The following MDGA2 variants were observed in gnomAD, a reference collection of about 807,000 sequenced individuals.
MDGA2 encodes MAM domain containing glycosylphosphatidylinositol anchor 2.
Under a neutral mutation model 117.8 loss-of-function variants are expected in MDGA2, and 40 were observed. The observed-to-expected ratio is 0.34, with a 90% CI of 0.26 to 0.44. The LOEUF (loss-of-function observed/expected upper bound fraction) is 0.44, where lower values mean the gene tolerates loss of function less well. Among genes scored for constraint, MDGA2 ranks in the 20% least tolerant of loss-of-function variants. MDGA2 has a pLI of 1.00. For missense variants in MDGA2, 1,123 were observed against 1,250.6 expected, an observed-to-expected ratio of 0.90 and a Z score of 1.54; for synonymous variants, 452 against 439.0, an observed-to-expected ratio of 1.03 and a Z score of -0.37.
intron 10 of MDGA2, among the ~76,000 whole-genome samples, chr14:46,913,269 TTCAGTATAC>T (rs1883773986): frequency 6.6e-6 from 1 of 152,128 alleles, no homozygotes; most frequent in Non-Finnish European, 1.5e-5. Context: ...TATAATAACA[TTCAGTATAC>T]TCAGTATGGT....
chr14:47,570,104 G>A (rs1895991174), intron 1 of MDGA2, among the ~76,000 whole-genome samples: 2 of 152,060 alleles, frequency 1.3e-5, no homozygotes. Flanking sequence ...ATTAGAATGT[G>A]TCCAGATAAG....
At chr14:47,377,571 T>C (rs550564144) in intron 1 of MDGA2, among the ~76,000 whole-genome samples, 4 of 152,274 alleles carry the variant, frequency 2.6e-5, no homozygotes, top group African/African-American at 7.2e-5. Flanking sequence ...TTATATCCCA[T>C]GCATGGCTTT....
intron 3 of MDGA2, among the ~76,000 whole-genome samples, chr14:47,201,731 T>C (rs1885514945): frequency 6.6e-6 from 1 of 152,228 alleles, no homozygotes; most frequent in Non-Finnish European, 1.5e-5. Flanking sequence ...CCTTCTTGTC[T>C]ACCTTTGTAT....
chr14:47,615,841 A>C (rs1251301286), intron 1 of MDGA2, among the ~76,000 whole-genome samples: 1 of 152,110 alleles, frequency 6.6e-6, no homozygotes, highest in African/African-American at 2.4e-5. Context: ...GGGATGCCTG[A>C]TACTGACCCC....
chr14:47,513,189 TAATAA>T (rs1380345141), intron 1 of MDGA2, among the ~76,000 whole-genome samples: 7 of 152,234 alleles, frequency 4.6e-5, no homozygotes, highest in African/African-American at 1.7e-4. Flanking sequence ...AGCATCACCT[TAATAA>T]AATAGGAACT....
chr14:47,402,331 C>A lies in MDGA2; in HGVS notation c.281-100781G>T, dbSNP rs1184423245. 2.6e-3 allele frequency among the ~76,000 whole-genome samples: 18 copies of A among 6,950 alleles called. No homozygotes were observed. In the East Asian group the frequency reaches 0.12, roughly 46 times the overall value. 4.6% of individuals were successfully genotyped at this position (6,950 alleles called of 152,430 possible). On this transcript the variant is annotated intron_variant, in intron 1 of 16. Transcript: ENST00000399232. ...TATGCTAGGGTAGAAACCCCAGAAA[C>A]CCCCGCCCCCCCACCCCGCAAAAAA...
intron 6 of MDGA2, among the ~76,000 whole-genome samples, chr14:47,066,948 T>C (rs2138816327): frequency 6.6e-6 from 1 of 152,166 alleles, no homozygotes. Flanking sequence ...ACCCCATCTC[T>C]ACTAAAAATA....
At chr14:47,270,966 T>C (rs1191576758) in intron 2 of MDGA2, among the ~76,000 whole-genome samples, 2 of 152,178 alleles carry the variant, frequency 1.3e-5, no homozygotes, top group Admixed American at 1.3e-4. Flanking sequence ...CCTAGAAGCT[T>C]TCCAGGGAAA....
intron 1 of MDGA2, among the ~76,000 whole-genome samples, chr14:47,419,997 A>G (rs1277061892): frequency 1.3e-5 from 2 of 152,164 alleles, no homozygotes; most frequent in Non-Finnish European, 1.5e-5. Flanking sequence ...AGTACTAAAA[A>G]TGATCCAAGT....
chr14:47,593,866 C>A (rs1255094588), intron 1 of MDGA2, among the ~76,000 whole-genome samples: 1 of 152,010 alleles, frequency 6.6e-6, no homozygotes, highest in Non-Finnish European at 1.5e-5. Context: ...GCACATGTAT[C>A]CCGTAATTTA....
At chr14:47,542,741 T>G (rs961913326) in intron 1 of MDGA2, among the ~76,000 whole-genome samples, 2 of 152,148 alleles carry the variant, frequency 1.3e-5, no homozygotes, top group African/African-American at 4.8e-5. Context: ...TTTAAAAAAA[T>G]TTTGACAAAA....
At chr14:47,422,468 C>A (rs1892599527) in intron 1 of MDGA2, among the ~76,000 whole-genome samples, 1 of 152,100 alleles carries the variant, frequency 6.6e-6, no homozygotes. Context: ...AATGAGAGAA[C>A]TGCCAGGATA....
At chr14:47,070,133 C>A (rs1890226613) in intron 6 of MDGA2, among the ~76,000 whole-genome samples, 1 of 151,928 alleles carries the variant, frequency 6.6e-6, no homozygotes, top group African/African-American at 2.4e-5. Flanking sequence ...CTATAGTCAC[C>A]CTGTTGTGCT....
At chr14:47,442,794 G>A (rs758817259) in intron 1 of MDGA2, among the ~76,000 whole-genome samples, 2 of 151,982 alleles carry the variant, frequency 1.3e-5, no homozygotes, top group Non-Finnish European at 2.9e-5. Context: ...GGTCAACTGT[G>A]GTCTGAAAAT....
intron 14 of MDGA2, among the ~76,000 whole-genome samples, chr14:46,859,488 C>G (rs1881420854): frequency 6.6e-6 from 1 of 152,108 alleles, no homozygotes; most frequent in Non-Finnish European, 1.5e-5. Flanking sequence ...GTACAGTACA[C>G]TAATCTTTGT....
chr14:47,150,074 A>C (rs943937173), intron 3 of MDGA2, among the ~76,000 whole-genome samples: 2 of 152,134 alleles, frequency 1.3e-5, no homozygotes, highest in South Asian at 4.1e-4. Context: ...GGTGTGAGTT[A>C]CCTCCAAGGG....
intron 14 of MDGA2, among the ~76,000 whole-genome samples, chr14:46,872,849 T>A (rs1254726153): frequency 6.6e-6 from 1 of 151,968 alleles, no homozygotes; most frequent in Non-Finnish European, 1.5e-5. Context: ...TCATGCTCTA[T>A]CTAGCACAGT....
At chr14:47,411,330 A>G (rs1182225843) in intron 1 of MDGA2, among the ~76,000 whole-genome samples, 1 of 152,174 alleles carries the variant, frequency 6.6e-6, no homozygotes, top group Non-Finnish European at 1.5e-5. Context: ...AGAGGGAAAG[A>G]AAACTAAGGC....
At chr14:47,328,947 G>A (rs1890220204) in intron 1 of MDGA2, among the ~76,000 whole-genome samples, 1 of 152,160 alleles carries the variant, frequency 6.6e-6, no homozygotes, top group Admixed American at 6.6e-5. Flanking sequence ...TGTGGATACA[G>A]TAAATAGAGC....
Sources: allele counts gnomAD v4.1 joint callset (sites outside exome capture counted in the v4.1 genomes callset), GRCh38; gene constraint gnomAD v4.1.1; transcripts MANE v1.5; gene names NCBI Gene and HGNC (gene_info 2026-07-23, HGNC 2026-07-21).